PRKCA: variants seen among roughly 807,000 people sequenced by gnomAD.
PRKCA encodes the protein protein kinase C alpha type.
A neutral mutation model predicts 87.0 loss-of-function variants in PRKCA; 27 were observed. That is an observed-to-expected ratio of 0.31 (90% CI 0.23 to 0.43). The LOEUF is 0.43. Ranked by LOEUF, PRKCA falls within the 20% of genes least tolerant of loss-of-function variation. The pLI is 1.00. For missense variants in PRKCA, 518 were observed against 852.3 expected (o/e 0.61, Z 4.88); for synonymous variants, 329 against 311.1 (o/e 1.06, Z -0.61).
intron 8 of PRKCA, among the ~76,000 whole-genome samples, chr17:66,701,017 G>A (rs1479251978): frequency 2.0e-5 from 3 of 152,086 alleles, no homozygotes; most frequent in Non-Finnish European, 2.9e-5. Flanking sequence ...CAAGAAGGAC[G>A]GAGGTATCAC....
At chr17:66,651,774 TGTC>T (rs1232351286) in intron 5 of PRKCA, among the ~76,000 whole-genome samples, 55 of 152,092 alleles carry the variant, frequency 3.6e-4, no homozygotes, top group Admixed American at 2.8e-3. Flanking sequence ...GCACCCAGAG[TGTC>T]CACTGTTGGT....
chr17:66,798,435 C>CGGTGGT (rs1568040859), intron 16 of PRKCA, among the ~76,000 whole-genome samples: 1 of 13,686 alleles, frequency 7.3e-5, no homozygotes, highest in African/African-American at 3.9e-4. Context: ...GTGGTGGTGA[C>CGGTGGT]GGTGGTGGTG....
At chr17:66,664,168 G>C (rs1022743364) in intron 5 of PRKCA, among the ~76,000 whole-genome samples, 4 of 152,072 alleles carry the variant, frequency 2.6e-5, no homozygotes, top group African/African-American at 9.7e-5. Context: ...GCGCCCAACC[G>C]TCTTTGGAGT....
At chr17:66,319,462 T>C (rs1003485391) in intron 2 of PRKCA, among the ~76,000 whole-genome samples, 2 of 152,324 alleles carry the variant, frequency 1.3e-5, no homozygotes, top group Admixed American at 1.3e-4. Flanking sequence ...TAACTTTGGC[T>C]TCTGTTGTAT....
intron 2 of PRKCA, among the ~76,000 whole-genome samples, chr17:66,419,648 A>AT (rs200437506): frequency 0.042 from 6,383 of 152,060 alleles, 195 homozygotes; most frequent in Admixed American, 0.077. Flanking sequence ...TTATATGTGA[A>AT]TTTTTTTTGG....
In PRKCA at chr17:66,784,767, C is replaced by T. The variant is rs1172834394; in HGVS notation, c.1606-2100C>T. Among the ~76,000 whole-genome samples the T allele has an allele frequency of 2.0e-5, 3 of 152,232 alleles. No individual in the cohort carries two copies. The East Asian group carries it at 5.8e-4, about 29-fold the overall frequency. ...TCTCCCCCACCACTGCCTGCCTGCC[C>T]TGCCCTCTACAGATGAAAGCCACAC... is the stretch of plus-strand genomic sequence containing the variant. On this transcript the variant is annotated intron_variant, in intron 14 of 16. Transcript: ENST00000413366.
At chr17:66,593,133 AT>A (rs1465483437) in intron 3 of PRKCA, among the ~76,000 whole-genome samples, 1 of 152,214 alleles carries the variant, frequency 6.6e-6, no homozygotes, top group Non-Finnish European at 1.5e-5. Context: ...TAGAGTTTAA[AT>A]GTCTGATCTT....
chr17:66,724,643 G>T, intron 8 of PRKCA, among the ~76,000 whole-genome samples: 1 of 152,204 alleles, frequency 6.6e-6, no homozygotes, highest in Non-Finnish European at 1.5e-5. Flanking sequence ...TTTTCCATTT[G>T]CTCAGGCCCC....
intron 2 of PRKCA, among the ~76,000 whole-genome samples, chr17:66,324,579 C>G (rs375713596): frequency 2.0e-5 from 3 of 152,134 alleles, no homozygotes; most frequent in South Asian, 2.1e-4. Flanking sequence ...TGCCACTGCA[C>G]TCTCGCCTGG....
At chr17:66,651,798 T>A (rs1971596786) in intron 5 of PRKCA, among the ~76,000 whole-genome samples, 1 of 152,150 alleles carries the variant, frequency 6.6e-6, no homozygotes. Flanking sequence ...GATCCTGCAT[T>A]TGACCACCTG....
At chr17:66,462,534 CG>C (rs1848047714) in intron 2 of PRKCA, among the ~76,000 whole-genome samples, 1 of 152,060 alleles carries the variant, frequency 6.6e-6, no homozygotes, top group Non-Finnish European at 1.5e-5. Flanking sequence ...TTTCTGTGAA[CG>C]TTTTCATTGT....
At chr17:66,762,710 G>A (rs929833570) in intron 13 of PRKCA, among the ~76,000 whole-genome samples, 7 of 152,168 alleles carry the variant, frequency 4.6e-5, no homozygotes, top group African/African-American at 1.7e-4. Flanking sequence ...TGACCTTGCT[G>A]TTAACCAGCC....
At chr17:66,423,184 G>A (rs556437319) in intron 2 of PRKCA, among the ~76,000 whole-genome samples, 1 of 152,270 alleles carries the variant, frequency 6.6e-6, no homozygotes, top group East Asian at 1.9e-4. Flanking sequence ...AAGCGTTGGG[G>A]ATTGATAGTG....
At chr17:66,751,210 G>A (rs1043201117) in intron 13 of PRKCA, among the ~76,000 whole-genome samples, 2 of 152,220 alleles carry the variant, frequency 1.3e-5, no homozygotes, top group African/African-American at 4.8e-5. Context: ...TTCTTGCTAT[G>A]CGCCACGCAC....
chr17:66,483,621 C>T (rs1598710302), intron 2 of PRKCA, among the ~76,000 whole-genome samples: 2 of 152,016 alleles, frequency 1.3e-5, no homozygotes, highest in East Asian at 3.9e-4. Flanking sequence ...CACCACCTCT[C>T]CCAGCTAATT....
intron 2 of PRKCA, among the ~76,000 whole-genome samples, chr17:66,327,321 C>A (rs910063294): frequency 6.9e-6 from 1 of 144,994 alleles, no homozygotes; most frequent in Non-Finnish European, 1.5e-5. Flanking sequence ...GAGGTGAGAT[C>A]GAGCCACTGC....
At chr17:66,606,771 G>A (rs1970222269) in intron 3 of PRKCA, among the ~76,000 whole-genome samples, 1 of 152,058 alleles carries the variant, frequency 6.6e-6, no homozygotes, top group Middle Eastern at 3.2e-3. Flanking sequence ...TAAAACATTT[G>A]TGGCTATTCT....
chr17:66,660,608 G>A (rs369220894), intron 5 of PRKCA, among the ~76,000 whole-genome samples: 58 of 152,204 alleles, frequency 3.8e-4, no homozygotes, highest in Non-Finnish European at 6.6e-4. Context: ...GGATAAAACC[G>A]GCCGGGCGCG....
At chr17:66,339,512 C>G (rs1315533683) in intron 2 of PRKCA, among the ~76,000 whole-genome samples, 4 of 152,198 alleles carry the variant, frequency 2.6e-5, no homozygotes, top group Non-Finnish European at 4.4e-5. Flanking sequence ...TTATGTGACT[C>G]CTACAGTTTT....
Sources: gnomAD v4.1 joint callset for allele counts (sites outside exome capture counted in the v4.1 genomes callset) on GRCh38, gnomAD v4.1.1 for gene constraint, MANE v1.5 for transcripts, NCBI Gene and HGNC (gene_info 2026-07-23, HGNC 2026-07-21) for gene names.